PNN: variants seen among roughly 807,000 people sequenced by gnomAD.
PNN encodes pinin, desmosome associated protein, also known as pinin.
A neutral mutation model predicts 76.6 loss-of-function variants in PNN; 38 were observed. The observed-to-expected ratio is 0.50, with a 90% confidence interval of 0.38 to 0.65. PNN has a LOEUF of 0.65. Among genes scored for constraint, PNN ranks in the 30% least tolerant of loss-of-function variants. PNN has a pLI of 0.00. For synonymous variants in PNN, 366 were observed against 283.7 expected (o/e 1.29, Z -2.91); for missense variants, 873 against 874.1 (o/e 1.00, Z 0.02).
Position 39,180,503 on chromosome 14 carries a change from C to A in PNN, c.794C>A (p.Ala265Asp). The part of the protein sequence containing the change: ...LIEESQRKMN[A>D]LFEGRRIEFA... ...ACACATGTAAATTTTTATTCTTTAGCTTTATTTGAAGGTAGACGCATCGAA... is the reference window on the plus strand; with the variant it reads ...ACACATGTAAATTTTTATTCTTTAGATTTATTTGAAGGTAGACGCATCGAA... Residue 265 changes from alanine (A) to aspartate (D), a missense_variant and splice_region_variant, in exon 9 of 9, where the codon GCT becomes GAT. This residue lies in a region of PNN where 712 missense variants were observed against 693.1 expected (regional missense o/e 1.03). Coordinates refer to ENST00000216832, the MANE Select transcript of PNN (RefSeq NM_002687.4). 6.4e-7 allele frequency: 1 copy of A among 1,550,590 alleles called. No individual in the cohort carries two copies. The highest frequency in any genetic ancestry group is 2.2e-5 in the Admixed American group (1 of 45,872).
rs748055088 is a variant in PNN, at chr14:39,180,603, G to A, written c.894G>A (p.Val298=). 1 of 1,614,020 alleles carries A rather than the reference G, an allele frequency of 6.2e-7. No individual in the cohort carries two copies. Among genetic ancestry groups the A allele is most frequent in the African/African-American group, 1.3e-5 (1 of 74,940 alleles). Residue 298 remains valine (V), a synonymous_variant, in exon 9 of 9, where the codon GTG becomes GTA. Coordinates refer to ENST00000216832, the MANE Select transcript of PNN (RefSeq NM_002687.4). ...TGAAGGAAAAAGAGCATCAGGTGGT[G>A]CGTAATGAAGAACAGAAGGCGGAAC... The part of the protein sequence containing the change: ...QSMKEKEHQV[V]RNEEQKAEQE...
At position 39,179,432 on chromosome 14, in the gene PNN, C is replaced by T. The variant is rs939383950; in HGVS notation, c.763C>T (p.Leu255=). The part of the protein sequence containing the change: ...PGRMCPATQK[L]IEESQRKMNA... ...AAGAATGTGTCCAGCTACCCAAAAA[C>T]TAATAGAAGAGTCACAGAGAAAAAT... The change falls in exon 8 of 9, where the codon CTA becomes TTA. Residue 255 remains leucine (L), a synonymous_variant. Coordinates refer to ENST00000216832, the MANE Select transcript of PNN (RefSeq NM_002687.4). 8 of 1,612,962 alleles carry T rather than the reference C, an allele frequency of 5.0e-6. No individual in the cohort carries two copies. Among genetic ancestry groups the T allele is most frequent in the Non-Finnish European group, 6.8e-6 (8 of 1,179,390 alleles).
intron 6 of PNN, among the ~76,000 whole-genome samples, chr14:39,178,724 GAAAAAAAA>G (rs61670617): frequency 7.0e-5 from 8 of 114,212 alleles, no homozygotes; most frequent in African/African-American, 1.3e-4. Context: ...TTTACATAGT[GAAAAAAAA>G]AAAAAAAAAA....
chr14:39,181,922 G>C lies in PNN; in HGVS notation c.*59G>C. On this transcript the variant is annotated 3_prime_UTR_variant, in exon 9 of 9. Coordinates refer to ENST00000216832, the MANE Select transcript of PNN (RefSeq NM_002687.4). Reference sequence around the variant, plus strand: ...CAGCAGAAGATTTCTTGATAAAAAAGGATTACCTTTCCTTGTAAAGAGGAT... The same window carrying C: ...CAGCAGAAGATTTCTTGATAAAAAACGATTACCTTTCCTTGTAAAGAGGAT... The C allele has an allele frequency of 2.0e-6, 3 of 1,486,722 alleles. No individual in the cohort carries two copies. Among genetic ancestry groups the C allele is most frequent in the Non-Finnish European group, 2.7e-6 (3 of 1,119,746 alleles). 92.1% of individuals were successfully genotyped at this position (1,486,722 alleles called of 1,614,324 possible).
chr14:39,180,879 A>G lies in PNN; in HGVS notation c.1170A>G (p.Leu390=), dbSNP rs997291233. ...AGCCTGAAGAAGTTATGGATGTGCT[A>G]GAGATGGTTGAGAATGTCAAACATG... ...DSQPEEVMDV[L]EMVENVKHVI... is the part of the protein sequence containing the mutation. Residue 390 remains leucine (L), a synonymous_variant, in exon 9 of 9, where the codon CTA becomes CTG. Transcript: ENST00000216832. 3 of 1,614,176 alleles carry G rather than the reference A, an allele frequency of 1.9e-6. No individual in the cohort carries two copies. The highest frequency in any genetic ancestry group is 2.2e-5 in the East Asian group (1 of 44,884).
intron 2 of PNN, 114 bp from the exon 3 acceptor site, chr14:39,176,413 T>C: frequency 1.3e-6 from 1 of 795,352 alleles, no homozygotes; most frequent in South Asian, 1.7e-5. Flanking sequence ...AATGCCCGTT[T>C]AAGGCTACTT....
intron 1 of PNN, 65 bp downstream of exon 1, chr14:39,175,457 T>G (rs1594552995): frequency 3.0e-6 from 3 of 993,574 alleles, no homozygotes; most frequent in Non-Finnish European, 4.7e-6. Flanking sequence ...CGGGGTGAAT[T>G]GGGGGCGGGG....
At chr14:39,177,530 A>G (rs780694465) in intron 4 of PNN, 46 bp downstream of exon 4, 22 of 1,595,734 alleles carry the variant, frequency 1.4e-5, no homozygotes, top group Non-Finnish European at 1.9e-5. Context: ...CCTTCACTTT[A>G]CTACATTTAA....
At chr14:39,178,076 C>T (rs939699340) in intron 6 of PNN, among the ~76,000 whole-genome samples, 160 bp downstream of exon 6, 2 of 151,868 alleles carry the variant, frequency 1.3e-5, no homozygotes, top group Non-Finnish European at 2.9e-5. Context: ...AACAGCTTTA[C>T]TTAAACATTG....
Position 39,181,547 on chromosome 14 carries a change from C to A in PNN, c.1838C>A (p.Thr613Lys). 6.2e-7 allele frequency: 1 copy of A among 1,608,112 alleles called. No individual in the cohort carries two copies. Among genetic ancestry groups the A allele is most frequent in the Non-Finnish European group, 8.5e-7 (1 of 1,177,148 alleles). The part of the protein sequence containing the change: ...SRSSSSSSSS[T>K]SGSSSRDSSS... ...AGTAGTTCCAGTAGCAGCTCCAGTA[C>A]AAGTGGCAGCAGCAGCAGAGATAGT... Residue 613 changes from threonine to lysine, a missense_variant, in exon 9 of 9, where the codon ACA (threonine) becomes AAA (lysine). Physicochemically the swap from Thr to Lys is moderately conservative, Grantham distance 78. Around this residue, in one of 3 missense-constraint regions of PNN, gnomAD observed 712 missense variants for 693.1 expected, o/e 1.03. Transcript: ENST00000216832.
At chr14:39,175,670 C>T in intron 1 of PNN, 2 of 495,012 alleles carry the variant, frequency 4.0e-6, no homozygotes, top group East Asian at 4.0e-5. Flanking sequence ...GATTCCCGCT[C>T]TCGGCCCTGC....
At position 39,180,575 on chromosome 14, in the gene PNN, C is replaced by T. The variant is rs975339335; in HGVS notation, c.866C>T (p.Ser289Leu). ...NKMEARPRRQSMKEKEHQVVR... is the reference protein window; with the variant it reads ...NKMEARPRRQLMKEKEHQVVR... ...ATGGAGGCTAGGCCTAGAAGACAATCAATGAAGGAAAAAGAGCATCAGGTG... is the reference window on the plus strand; with the variant it reads ...ATGGAGGCTAGGCCTAGAAGACAATTAATGAAGGAAAAAGAGCATCAGGTG... Residue 289 changes from serine (S) to leucine (L), a missense_variant, in exon 9 of 9, where the codon TCA (serine) becomes TTA (leucine). Ser to Leu is a moderately radical substitution (Grantham distance 145). Coordinates refer to ENST00000216832, the MANE Select transcript of PNN (RefSeq NM_002687.4). The T allele has an allele frequency of 1.9e-6, 3 of 1,613,638 alleles. No homozygotes were observed. The highest frequency in any genetic ancestry group is 2.7e-5 in the African/African-American group (2 of 74,812).
Position 39,181,879 on chromosome 14 carries a change from T to C in PNN, c.*16T>C. The C allele has an allele frequency of 1.3e-6, 2 of 1,547,000 alleles. No homozygotes were observed. The highest frequency in any genetic ancestry group is 1.7e-6 in the Non-Finnish European group (2 of 1,155,512). ...AAGGCGTTAATGGAAGAAGCCAGGC[T>C]TTCTTAGCCATTCTTTGCAGCAGAA... On this transcript the variant is annotated 3_prime_UTR_variant, in exon 9 of 9. Transcript: ENST00000216832.
chr14:39,182,510 A>G lies in PNN; in HGVS notation c.*647A>G, dbSNP rs559935595. 2.0e-5 allele frequency: 3 copies of G among 152,724 alleles called. No homozygotes were observed. The highest frequency in any genetic ancestry group is 3.9e-4 in the East Asian group (2 of 5,190). The allele number at this position is 152,724 out of a possible 1,614,324, so 9.5% of individuals were successfully genotyped here. A position where few individuals can be genotyped will look rare whatever the true frequency, so the allele number is the denominator to read the frequency against. ...TTCCCCCGTTTCTCATATTTTAACC[A>G]TATGTTCGGTAGATAACTAAACAGT... On this transcript the variant is annotated 3_prime_UTR_variant, in exon 9 of 9. Coordinates refer to ENST00000216832, the MANE Select transcript of PNN (RefSeq NM_002687.4).
chr14:39,177,967 T>C (rs1291132423), intron 6 of PNN, 51 bp downstream of exon 6: 6 of 1,105,946 alleles, frequency 5.4e-6, no homozygotes, highest in Admixed American at 4.0e-5. Flanking sequence ...ATCAAAGTAG[T>C]AGATTAATGT....
At position 39,181,091 on chromosome 14, in the gene PNN, A is replaced by C; in HGVS notation, c.1382A>C (p.Lys461Thr). Residue 461 changes from lysine (K) to threonine (T), a missense_variant, in exon 9 of 9, where the codon AAA becomes ACA. This residue lies in a region of PNN where 712 missense variants were observed against 693.1 expected (regional missense o/e 1.03). Coordinates refer to ENST00000216832, the MANE Select transcript of PNN (RefSeq NM_002687.4). ...ALDMEKESEE[K>T]EEKESEPQPE... ...GACATGGAAAAGGAGTCTGAGGAAA[A>C]AGAAGAAAAAGAATCTGAGCCCCAA... 1.9e-6 allele frequency: 3 copies of C among 1,613,180 alleles called. No homozygotes were observed. The highest frequency in any genetic ancestry group is 2.5e-6 in the Non-Finnish European group (3 of 1,179,194).
chr14:39,176,244 A>G, intron 2 of PNN, 95 bp downstream of exon 2: 1 of 760,630 alleles, frequency 1.3e-6, no homozygotes, highest in Non-Finnish European at 2.3e-6. Context: ...TCAATAACCC[A>G]GTGTTTGTCG....
In PNN at chr14:39,181,525, A is replaced by C. The variant is rs1248179487; in HGVS notation, c.1816A>C (p.Ser606Arg). Residue 606 changes from serine to arginine, a missense_variant, in exon 9 of 9, where the codon AGT (serine) becomes CGT (arginine). Around this residue, in one of 3 missense-constraint regions of PNN, gnomAD observed 712 missense variants for 693.1 expected, o/e 1.03. Coordinates refer to ENST00000216832, the MANE Select transcript of PNN (RefSeq NM_002687.4). ...CAGTGGAAGTAGTAGCAGTCGCAGTAGTTCCAGTAGCAGCTCCAGTACAAG... is the reference window on the plus strand; with the variant it reads ...CAGTGGAAGTAGTAGCAGTCGCAGTCGTTCCAGTAGCAGCTCCAGTACAAG... ...SSSGSSSSRS[S>R]SSSSSSTSGS... 2 of 1,602,292 alleles carry C rather than the reference A, an allele frequency of 1.2e-6. No individual in the cohort carries two copies. Among genetic ancestry groups the C allele is most frequent in the Non-Finnish European group, 1.7e-6 (2 of 1,174,492 alleles).
rs1314472916 is a variant in PNN, at chr14:39,180,844, C to G, written c.1135C>G (p.Gln379Glu). Residue 379 changes from glutamine to glutamate, a missense_variant, in exon 9 of 9, where the codon CAG becomes GAG. Around this residue, in one of 3 missense-constraint regions of PNN, gnomAD observed 712 missense variants for 693.1 expected, o/e 1.03. Coordinates refer to ENST00000216832, the MANE Select transcript of PNN (RefSeq NM_002687.4). Reference sequence around the variant, plus strand: ...TGAGGTAAGGGAAAGTGAGAAGCAGCAGGATAGTCAGCCTGAAGAAGTTAT... The same window carrying G: ...TGAGGTAAGGGAAAGTGAGAAGCAGGAGGATAGTCAGCCTGAAGAAGTTAT... ...ETEVRESEKQ[Q>E]DSQPEEVMDV... The G allele has an allele frequency of 1.2e-6, 2 of 1,613,958 alleles. No homozygotes were observed. The highest frequency in any genetic ancestry group is 3.3e-5 in the Admixed American group (2 of 59,980).
Sources: gnomAD v4.1 joint callset for allele counts (sites outside exome capture counted in the v4.1 genomes callset) on GRCh38, gnomAD v4.1.1 for gene constraint, gnomAD v4.1.1 regional missense constraint, MANE v1.5 for transcripts, NCBI Gene and HGNC (gene_info 2026-07-23, HGNC 2026-07-21) for gene names.